The following RPS6KC1 variants were observed in gnomAD, a reference collection of about 807,000 sequenced individuals.
RPS6KC1 encodes inactive ribosomal protein S6 kinase delta-1.
RPS6KC1 carries 54 observed loss-of-function variants against 103.8 expected under a neutral mutation model. The observed-to-expected ratio is 0.52, with a 90% CI of 0.42 to 0.65. The LOEUF (loss-of-function observed/expected upper bound fraction) is 0.65, where lower values mean the gene tolerates loss of function less well. RPS6KC1 is among the 30% of genes least tolerant of loss of function. The probability of loss-of-function intolerance (pLI) is 0.00; values close to 1 mark genes in which losing one functional copy is unlikely to be tolerated. For synonymous variants in RPS6KC1, 439 were observed against 438.7 expected (o/e 1.00, Z -0.01); for missense variants, 1,151 against 1,253.8 (o/e 0.92, Z 1.24).
At chr1:213,478,825 C>T in the RPS6KC1 span, among the ~76,000 whole-genome samples, 177 of 152,146 alleles carry the variant, frequency 1.2e-3, 6 homozygotes, top group South Asian at 0.032. Context: ...TAAAATATCA[C>T]GGATGAAGTT....
At chr1:213,248,145 A>G (rs531435059) in intron 12 of RPS6KC1, among the ~76,000 whole-genome samples, 1 of 152,280 alleles carries the variant, frequency 6.6e-6, no homozygotes, top group African/African-American at 2.4e-5. Context: ...TAGAGAAAGC[A>G]AATAAATATA....
intron 5 of RPS6KC1, among the ~76,000 whole-genome samples, chr1:213,125,268 G>T (rs2084844596): frequency 6.6e-6 from 1 of 151,982 alleles, no homozygotes; most frequent in Admixed American, 6.6e-5. Flanking sequence ...ATACTCATTT[G>T]TAGTTTGTTG....
the RPS6KC1 span, among the ~76,000 whole-genome samples, chr1:213,717,990 C>T: frequency 1.3e-5 from 2 of 152,170 alleles, no homozygotes; most frequent in Admixed American, 6.5e-5. Context: ...CCATTGCCAG[C>T]CCCTCTGTGA....
At chr1:213,064,612 C>T (rs1199927578) in intron 1 of RPS6KC1, among the ~76,000 whole-genome samples, 1 of 151,668 alleles carries the variant, frequency 6.6e-6, no homozygotes. Context: ...AGGTGATCCT[C>T]CTGCCTGGGC....
chr1:213,257,257 G>A (rs2094669808), intron 12 of RPS6KC1, among the ~76,000 whole-genome samples: 1 of 152,144 alleles, frequency 6.6e-6, no homozygotes, highest in Non-Finnish European at 1.5e-5. Context: ...TACGTTGTTG[G>A]TGGCACTTTG....
the RPS6KC1 span, among the ~76,000 whole-genome samples, chr1:213,516,277 G>A: frequency 6.6e-6 from 1 of 152,104 alleles, no homozygotes; most frequent in Non-Finnish European, 1.5e-5. Flanking sequence ...TTGAATAGGA[G>A]TGGTGAGAGA....
At chr1:213,381,426 T>C in the RPS6KC1 span, among the ~76,000 whole-genome samples, 1 of 151,994 alleles carries the variant, frequency 6.6e-6, no homozygotes, top group African/African-American at 2.4e-5. Context: ...TCTGATCTAG[T>C]TCCCAACATG....
At chr1:213,339,687 G>C in the RPS6KC1 span, among the ~76,000 whole-genome samples, 1 of 152,140 alleles carries the variant, frequency 6.6e-6, no homozygotes, top group African/African-American at 2.4e-5. Context: ...AATCGTTATC[G>C]TGCCTATTTT....
the RPS6KC1 span, among the ~76,000 whole-genome samples, chr1:213,377,069 C>G: frequency 6.6e-6 from 1 of 152,154 alleles, no homozygotes; most frequent in African/African-American, 2.4e-5. Context: ...TGGGAAGGCC[C>G]GTCTTGGGAT....
chr1:213,620,031 T>TAGCC, the RPS6KC1 span, among the ~76,000 whole-genome samples: 1 of 152,212 alleles, frequency 6.6e-6, no homozygotes, highest in African/African-American at 2.4e-5. Context: ...AATGCAAGTA[T>TAGCC]AGCCGTACGT....
At chr1:213,739,722 A>G in the RPS6KC1 span, among the ~76,000 whole-genome samples, 1 of 152,188 alleles carries the variant, frequency 6.6e-6, no homozygotes, top group Non-Finnish European at 1.5e-5. Context: ...TAATGGATCA[A>G]TTGTTTAAAA....
the RPS6KC1 span, among the ~76,000 whole-genome samples, chr1:213,575,997 C>T: frequency 2.0e-5 from 3 of 152,186 alleles, no homozygotes; most frequent in Non-Finnish European, 4.4e-5. Context: ...GGTTGTTTGA[C>T]CCTCCCTTTC....
intron 14 of RPS6KC1, among the ~76,000 whole-genome samples, chr1:213,264,885 C>T (rs1267766126): frequency 1.3e-5 from 2 of 152,016 alleles, no homozygotes; most frequent in African/African-American, 4.8e-5. Flanking sequence ...TCCCCTGTAC[C>T]CCTGGTTCAG....
chr1:213,639,673 C>T, the RPS6KC1 span, among the ~76,000 whole-genome samples: 1 of 151,916 alleles, frequency 6.6e-6, no homozygotes, highest in African/African-American at 2.4e-5. Flanking sequence ...GGTTTTTCTT[C>T]TTTAGATGGT....
At chr1:213,756,931 A>T in the RPS6KC1 span, among the ~76,000 whole-genome samples, 1 of 152,050 alleles carries the variant, frequency 6.6e-6, no homozygotes, top group Non-Finnish European at 1.5e-5. Context: ...TATTATTATT[A>T]TATCTGTTAT....
the RPS6KC1 span, among the ~76,000 whole-genome samples, chr1:213,606,261 G>A: frequency 6.6e-6 from 1 of 152,202 alleles, no homozygotes; most frequent in Non-Finnish European, 1.5e-5. Flanking sequence ...TTTTTGTAGT[G>A]TGGCTTCTGA....
At chr1:213,529,234 G>A in the RPS6KC1 span, among the ~76,000 whole-genome samples, 1 of 152,046 alleles carries the variant, frequency 6.6e-6, no homozygotes, top group South Asian at 2.1e-4. Context: ...GGGGATCACG[G>A]GAGAGCTAAC....
chr1:213,173,710 T>A (rs974917461), intron 7 of RPS6KC1, among the ~76,000 whole-genome samples: 1 of 152,152 alleles, frequency 6.6e-6, no homozygotes, highest in Non-Finnish European at 1.5e-5. Flanking sequence ...TTTAAGAGAG[T>A]GTTTTATTGT....
intron 8 of RPS6KC1, among the ~76,000 whole-genome samples, chr1:213,203,510 CTGTTT>C (rs2093238964): frequency 6.6e-6 from 1 of 151,582 alleles, no homozygotes; most frequent in South Asian, 2.1e-4. Context: ...TATGAAATGC[CTGTTT>C]TAAGTCCTTT....
Sources: allele counts gnomAD v4.1 joint callset (sites outside exome capture counted in the v4.1 genomes callset), GRCh38; gene constraint gnomAD v4.1.1; transcripts MANE v1.5; gene names NCBI Gene and HGNC (gene_info 2026-07-23, HGNC 2026-07-21).